Variants in ANO6 observed in about 807,000 individuals in gnomAD.
The protein encoded by ANO6 is anoctamin 6.
In ANO6, 106 loss-of-function variants were observed where a neutral mutation model predicts 117.5. That is an observed-to-expected ratio of 0.90 (90% CI 0.77 to 1.06). The LOEUF is 1.06. Among genes scored for constraint, ANO6 ranks in the 50% least tolerant of loss-of-function variants. ANO6 has a pLI of 0.00. For missense variants in ANO6, 955 were observed against 1,121.1 expected (o/e 0.85, Z 2.12); for synonymous variants, 367 against 385.1 (o/e 0.95, Z 0.55).
chr12:45,319,232 G>A (rs1248056766), intron 2 of ANO6, among the ~76,000 whole-genome samples: 1 of 152,194 alleles, frequency 6.6e-6, no homozygotes, highest in Non-Finnish European at 1.5e-5. Flanking sequence ...TGCCCATTCA[G>A]TATGATATTG....
chr12:45,276,095 T>TA (rs1938546445), intron 1 of ANO6, among the ~76,000 whole-genome samples: 1 of 152,172 alleles, frequency 6.6e-6, no homozygotes, highest in African/African-American at 2.4e-5. Flanking sequence ...CTTCACCATC[T>TA]CAGTAAATGG....
chr12:45,289,718 T>G (rs1271119546), intron 1 of ANO6, among the ~76,000 whole-genome samples: 1 of 152,236 alleles, frequency 6.6e-6, no homozygotes, highest in Admixed American at 6.5e-5. Context: ...TGGTAAATAC[T>G]CAATTTGTGA....
intron 12 of ANO6, among the ~76,000 whole-genome samples, chr12:45,390,878 T>C (rs1467430549): frequency 1.3e-5 from 2 of 152,174 alleles, no homozygotes; most frequent in Non-Finnish European, 2.9e-5. Flanking sequence ...TCCAAGCACC[T>C]TGGGAGGCCA....
chr12:45,219,671 C>G (rs1044780355), intron 1 of ANO6, among the ~76,000 whole-genome samples: 1 of 152,086 alleles, frequency 6.6e-6, no homozygotes, highest in Non-Finnish European at 1.5e-5. Context: ...AGTGTTGCCT[C>G]CTAGTTTAGA....
At chr12:45,405,379 C>T (rs1370997148) in intron 15 of ANO6, among the ~76,000 whole-genome samples, 1 of 152,168 alleles carries the variant, frequency 6.6e-6, no homozygotes, top group African/African-American at 2.4e-5. Flanking sequence ...GAAATTTGTT[C>T]ACATGAAATA....
intron 2 of ANO6, among the ~76,000 whole-genome samples, chr12:45,312,900 A>C (rs1416746921): frequency 1.3e-5 from 2 of 152,120 alleles, no homozygotes; most frequent in Non-Finnish European, 2.9e-5. Flanking sequence ...TTGTAGCTGG[A>C]ATAAAATTTG....
chr12:45,387,752 G>A (rs995026543), intron 10 of ANO6, among the ~76,000 whole-genome samples: 3 of 152,082 alleles, frequency 2.0e-5, no homozygotes, highest in Non-Finnish European at 4.4e-5. Flanking sequence ...ATCTCATGTC[G>A]AATTATAATC....
chr12:45,428,015 G>A (rs1943546814), intron 19 of ANO6, among the ~76,000 whole-genome samples: 1 of 151,208 alleles, frequency 6.6e-6, no homozygotes, highest in African/African-American at 2.4e-5. Flanking sequence ...GGGAGTGTAA[G>A]TTGGTATACC....
chr12:45,350,718 C>G lies in ANO6; in HGVS notation c.807C>G (p.Tyr269Ter). The change falls in exon 7 of 20, where the codon TAC (tyrosine) becomes TAG (stop). Residue 269 changes from tyrosine to a stop codon, truncating the protein, a stop_gained. Coordinates refer to ENST00000320560, the MANE Select transcript of ANO6 (RefSeq NM_001025356.3). LOFTEE classifies it high-confidence loss of function. ...GCCCTAATGAACGGTACCTTCTGTA[C>G]AGAGAATGGGCTCATCCTCGAAGCA... ...PSCPNERYLL[Y>*]REWAHPRSIY... is the part of the protein sequence containing the mutation. 1 of 1,613,844 alleles carries G rather than the reference C, an allele frequency of 6.2e-7. No individual in the cohort carries two copies. Among genetic ancestry groups the G allele is most frequent in the Non-Finnish European group, 8.5e-7 (1 of 1,179,816 alleles).
intron 8 of ANO6, among the ~76,000 whole-genome samples, chr12:45,361,306 A>G (rs1477272185): frequency 6.6e-6 from 1 of 152,046 alleles, no homozygotes; most frequent in Non-Finnish European, 1.5e-5. Flanking sequence ...ATGCTATTAT[A>G]AATTGTTTCG....
intron 12 of ANO6, among the ~76,000 whole-genome samples, chr12:45,399,257 G>A (rs551305464): frequency 3.7e-4 from 56 of 152,184 alleles, no homozygotes; most frequent in Non-Finnish European, 6.3e-4. Context: ...AGTGCAATGC[G>A]TGGTCTCAGC....
intron 1 of ANO6, among the ~76,000 whole-genome samples, chr12:45,266,838 GTGTGTA>G (rs926289166): frequency 2.0e-5 from 3 of 149,740 alleles, no homozygotes; most frequent in African/African-American, 7.4e-5. Context: ...GTGTGTGTGT[GTGTGTA>G]TAATATGGCT....
intron 1 of ANO6, among the ~76,000 whole-genome samples, chr12:45,219,822 A>G (rs563829552): frequency 9.9e-5 from 15 of 152,196 alleles, no homozygotes; most frequent in Non-Finnish European, 2.2e-4. Context: ...TTTTTGCAAT[A>G]GGCCACTTAT....
intron 1 of ANO6, among the ~76,000 whole-genome samples, chr12:45,222,398 T>G (rs1425837572): frequency 2.6e-5 from 4 of 152,156 alleles, no homozygotes; most frequent in African/African-American, 9.7e-5. Context: ...TGATCTCAGG[T>G]GATCCGCCTG....
intron 1 of ANO6, among the ~76,000 whole-genome samples, chr12:45,238,730 A>T (rs1947688518): frequency 6.6e-6 from 1 of 152,094 alleles, no homozygotes; most frequent in South Asian, 2.1e-4. Context: ...TACCTAGTTT[A>T]TTGAGAGTTT....
At chr12:45,327,808 A>AT (rs1940522061) in intron 2 of ANO6, among the ~76,000 whole-genome samples, 1 of 151,996 alleles carries the variant, frequency 6.6e-6, no homozygotes, top group African/African-American at 2.4e-5. Flanking sequence ...GATCTTCAGA[A>AT]TTTTTTTGTG....
chr12:45,286,745 G>A (rs1223329956), intron 1 of ANO6, among the ~76,000 whole-genome samples: 1 of 152,134 alleles, frequency 6.6e-6, no homozygotes, highest in African/African-American at 2.4e-5. Context: ...TTTGTCAAGT[G>A]TTTACTATGT....
chr12:45,412,841 C>G (rs1943120711), intron 16 of ANO6, among the ~76,000 whole-genome samples: 1 of 152,224 alleles, frequency 6.6e-6, no homozygotes, highest in Non-Finnish European at 1.5e-5. Flanking sequence ...AAGGAGAATG[C>G]TAATCAGACT....
chr12:45,245,695 T>C (rs2137175432), intron 1 of ANO6, among the ~76,000 whole-genome samples: 1 of 152,298 alleles, frequency 6.6e-6, no homozygotes, highest in African/African-American at 2.4e-5. Context: ...GTTTTTCTCA[T>C]TGTAAAGTTG....
Sources: allele counts gnomAD v4.1 joint callset (sites outside exome capture counted in the v4.1 genomes callset), GRCh38; gene constraint gnomAD v4.1.1; transcripts MANE v1.5; gene names NCBI Gene and HGNC (gene_info 2026-07-23, HGNC 2026-07-21).